HTR1E: variants seen among roughly 807,000 people sequenced by gnomAD.
HTR1E encodes 5-HT-1E.
HTR1E carries 3 observed loss-of-function variants against 3.4 expected under a neutral mutation model. That is an observed-to-expected ratio of 0.89 (90% CI 0.41 to 2.31). HTR1E has a LOEUF of 2.31. HTR1E is among the 30% of genes most tolerant of loss of function. The pLI is 0.05. For synonymous variants in HTR1E, 170 were observed against 182.8 expected (o/e 0.93, Z 0.56); for missense variants, 392 against 467.0 (o/e 0.84, Z 1.48).
At chr6:86,999,559 CTATT>C (rs1767989863) in intron 1 of HTR1E, among the ~76,000 whole-genome samples, 1 of 152,182 alleles carries the variant, frequency 6.6e-6, no homozygotes, top group Non-Finnish European at 1.5e-5. Flanking sequence ...CTTAGAAAAA[CTATT>C]AGAGTAATTT....
chr6:86,970,654 T>G, intron 1 of HTR1E: 1 of 160,610 alleles, frequency 6.2e-6, no homozygotes, highest in Admixed American at 6.5e-5. Context: ...GAATGGAGAT[T>G]CGAATGGCCA....
intron 1 of HTR1E, among the ~76,000 whole-genome samples, chr6:87,013,548 T>C (rs749174853): frequency 3.0e-4 from 46 of 152,274 alleles, no homozygotes; most frequent in Non-Finnish European, 5.3e-4. Flanking sequence ...CACGCCAGCA[T>C]ATTTACTGTG....
chr6:86,938,340 C>T (rs1768499276), intron 1 of HTR1E, among the ~76,000 whole-genome samples: 2 of 152,116 alleles, frequency 1.3e-5, no homozygotes, highest in Non-Finnish European at 2.9e-5. Context: ...ACAAAATGCC[C>T]AGGTGTGGAG....
intron 1 of HTR1E, among the ~76,000 whole-genome samples, chr6:86,959,572 A>C (rs533021119): frequency 2.6e-5 from 4 of 152,294 alleles, no homozygotes; most frequent in Non-Finnish European, 4.4e-5. Flanking sequence ...TGTTTTGACT[A>C]ATCTGGGTAC....
At chr6:86,989,495 T>C (rs755702167) in intron 1 of HTR1E, among the ~76,000 whole-genome samples, 7 of 152,234 alleles carry the variant, frequency 4.6e-5, no homozygotes, top group African/African-American at 7.2e-5. Context: ...GGAGGATTCC[T>C]GTGACTTTGT....
intron 1 of HTR1E, among the ~76,000 whole-genome samples, chr6:86,947,408 C>CA (rs1768631610): frequency 6.6e-6 from 1 of 152,044 alleles, no homozygotes; most frequent in African/African-American, 2.4e-5. Context: ...ATAAATTTGG[C>CA]AGATACAAAA....
intron 1 of HTR1E, among the ~76,000 whole-genome samples, chr6:86,997,167 T>G (rs1324568763): frequency 2.6e-5 from 4 of 151,894 alleles, no homozygotes; most frequent in Non-Finnish European, 4.4e-5. Flanking sequence ...AAGATTCACA[T>G]AAAAGTAGTA....
chr6:86,951,939 T>C (rs2127818058), intron 1 of HTR1E, among the ~76,000 whole-genome samples: 1 of 152,296 alleles, frequency 6.6e-6, no homozygotes, highest in East Asian at 1.9e-4. Flanking sequence ...AATATATTTT[T>C]ATACTGTTGT....
At chr6:86,987,444 G>A (rs563358131) in intron 1 of HTR1E, among the ~76,000 whole-genome samples, 116 of 152,100 alleles carry the variant, frequency 7.6e-4, no homozygotes, top group African/African-American at 2.4e-3. Flanking sequence ...CTAATGCTCC[G>A]TAATGTATAA....
intron 1 of HTR1E, among the ~76,000 whole-genome samples, chr6:87,005,217 G>A (rs1413861900): frequency 6.6e-6 from 1 of 151,968 alleles, no homozygotes; most frequent in Non-Finnish European, 1.5e-5. Context: ...ATGACATTGT[G>A]CACAGAAATG....
At chr6:86,947,526 A>T (rs1767138750) in intron 1 of HTR1E, among the ~76,000 whole-genome samples, 2 of 151,798 alleles carry the variant, frequency 1.3e-5, no homozygotes, top group African/African-American at 2.4e-5. Flanking sequence ...AGAAAAGTAT[A>T]AAAAATGTAG....
At chr6:87,012,611 T>A (rs899217487) in intron 1 of HTR1E, among the ~76,000 whole-genome samples, 3 of 152,214 alleles carry the variant, frequency 2.0e-5, no homozygotes, top group Non-Finnish European at 4.4e-5. Flanking sequence ...AATAGGCTTT[T>A]ATTACACATC....
intron 1 of HTR1E, among the ~76,000 whole-genome samples, chr6:87,007,439 A>G (rs1251250286): frequency 6.6e-6 from 1 of 152,226 alleles, no homozygotes; most frequent in Non-Finnish European, 1.5e-5. Flanking sequence ...ACTATAGTCA[A>G]CAATAATTTA....
intron 1 of HTR1E, among the ~76,000 whole-genome samples, chr6:86,950,329 G>C (rs1455828396): frequency 6.6e-6 from 1 of 152,270 alleles, no homozygotes; most frequent in East Asian, 1.9e-4. Flanking sequence ...TGTTCTTTGA[G>C]TAGAGAACCT....
At chr6:86,943,996 C>T (rs1316764026) in intron 1 of HTR1E, among the ~76,000 whole-genome samples, 3 of 152,220 alleles carry the variant, frequency 2.0e-5, no homozygotes, top group South Asian at 4.2e-4. Flanking sequence ...GGAAAGGTAA[C>T]GCTTCCAAGC....
At chr6:86,962,859 A>G (rs1767428182) in intron 1 of HTR1E, among the ~76,000 whole-genome samples, 1 of 152,162 alleles carries the variant, frequency 6.6e-6, no homozygotes, top group South Asian at 2.1e-4. Context: ...TAAAAAATAA[A>G]ATAAAAATAA....
intron 1 of HTR1E, among the ~76,000 whole-genome samples, chr6:87,010,458 A>G (rs1382845528): frequency 6.8e-6 from 1 of 147,682 alleles, no homozygotes. Context: ...GACGCTCCTC[A>G]CCTCCCAGAC....
intron 1 of HTR1E, among the ~76,000 whole-genome samples, chr6:86,985,874 A>T (rs1430437609): frequency 6.6e-6 from 1 of 152,232 alleles, no homozygotes; most frequent in Non-Finnish European, 1.5e-5. Flanking sequence ...TGAAATTTTT[A>T]AAGCATATCT....
Position 86,972,471 on chromosome 6 carries a change from C to A in HTR1E, c.-186+34648C>A, listed in dbSNP as rs140655100. The stretch of plus-strand genomic sequence containing the variant: ...CACATTGAAATATTGTTGTATGGGG[C>A]AGTTTTCCAAGTTGTATGAAAAGCC... On this transcript the variant is annotated intron_variant, in intron 1 of 1. Coordinates refer to ENST00000305344, the MANE Select transcript of HTR1E (RefSeq NM_000865.3). 6.2e-4 allele frequency among the ~76,000 whole-genome samples: 95 copies of A among 152,184 alleles called. 1 individual carries two copies. Among genetic ancestry groups the A allele is most frequent in the African/African-American group, 2.2e-3 (93 of 41,518 alleles).
Sources: gnomAD v4.1 joint callset for allele counts (sites outside exome capture counted in the v4.1 genomes callset) on GRCh38, gnomAD v4.1.1 for gene constraint, MANE v1.5 for transcripts, NCBI Gene and HGNC (gene_info 2026-07-23, HGNC 2026-07-21) for gene names.